The following MAP4K4 variants were observed in gnomAD, a reference collection of about 807,000 sequenced individuals.
MAP4K4 encodes the protein HPK/GCK-like kinase HGK.
MAP4K4 carries 38 observed loss-of-function variants against 189.6 expected under a neutral mutation model. The ratio of observed to expected loss-of-function variants is 0.20; its 90% CI spans 0.15 to 0.26. The LOEUF (loss-of-function observed/expected upper bound fraction) is 0.26, where lower values mean the gene tolerates loss of function less well. Ranked by LOEUF, MAP4K4 falls within the 10% of genes least tolerant of loss-of-function variation. The probability of loss-of-function intolerance (pLI) is 1.00; values close to 1 mark genes in which losing one functional copy is unlikely to be tolerated. For missense variants in MAP4K4, 1,054 were observed against 1,726.9 expected (o/e 0.61, Z 6.91); for synonymous variants, 610 against 624.3 (o/e 0.98, Z 0.34).
rs185772927 is a variant in MAP4K4 at position 101,738,683 on chromosome 2, G to A, written c.123+40145G>A. ...GGATTGCTGTAAGGACCTTGACTCAGGTGTTGCTTCCTTGAAGATCTGATG... is the reference window on the plus strand; with the variant it reads ...GGATTGCTGTAAGGACCTTGACTCAAGTGTTGCTTCCTTGAAGATCTGATG... On this transcript the variant is annotated intron_variant, in intron 2 of 32. Transcript: ENST00000324219. Among the ~76,000 whole-genome samples, 532 of 152,110 alleles carry A rather than the reference G, an allele frequency of 3.5e-3. 2 individuals are homozygous for A. The highest frequency in any genetic ancestry group is 0.012 in the African/African-American group (517 of 41,498).
chr2:101,863,918 A>G, exon 17 of MAP4K4: 1 of 1,367,530 alleles, frequency 7.3e-7, no homozygotes, highest in Non-Finnish European at 9.8e-7. Context: ...GCACACCACC[A>G]TCTTCGTTCT....
chr2:101,817,834 G>T (rs538774101), intron 3 of MAP4K4, among the ~76,000 whole-genome samples: 30 of 152,244 alleles, frequency 2.0e-4, no homozygotes, highest in Admixed American at 7.2e-4. Flanking sequence ...TTATTGAGCA[G>T]GCTGTTGTTA....
chr2:101,874,028 G>A (rs1003656460), intron 25 of MAP4K4, 54 bp from the exon 26 acceptor site: 93 of 1,436,036 alleles, frequency 6.5e-5, no homozygotes, highest in Non-Finnish European at 8.8e-5. Flanking sequence ...GGGAAGGGAG[G>A]CAGGCATAGT....
chr2:101,847,692 G>A (rs376536825), intron 12 of MAP4K4, among the ~76,000 whole-genome samples: 11 of 152,086 alleles, frequency 7.2e-5, no homozygotes, highest in East Asian at 3.8e-4. Flanking sequence ...AAATTTAAAA[G>A]TTAAAGTAAG....
intron 27 of MAP4K4, 111 bp downstream of exon 27, chr2:101,877,257 A>G (rs1327075559): frequency 9.4e-7 from 1 of 1,068,342 alleles, no homozygotes; most frequent in African/African-American, 1.6e-5. Flanking sequence ...TAAATAAGGT[A>G]CAACCACATT....
At chr2:101,872,081 A>C (rs2098046053) in intron 24 of MAP4K4, among the ~76,000 whole-genome samples, 2 of 152,164 alleles carry the variant, frequency 1.3e-5, no homozygotes, top group Non-Finnish European at 2.9e-5. Context: ...AAATATAGGA[A>C]GATTCGGTTC....
At position 101,855,926 on chromosome 2, in the gene MAP4K4, G is replaced by T. The variant is rs2149779129; in HGVS notation, c.1234-51G>T. 2.0e-6 allele frequency: 3 copies of T among 1,521,426 alleles called. No individual in the cohort carries two copies. The South Asian group carries it at 3.7e-5, about 19-fold the overall frequency. 94.2% of individuals were successfully genotyped at this position (1,521,426 alleles called of 1,614,324 possible). A position where few individuals can be genotyped will look rare whatever the true frequency, so the allele number is the denominator to read the frequency against. Reference sequence around the variant, plus strand: ...ACTGATCAGCACACTATAACATCATGAGAAAGATGGCGGGAAGATCCCTGG... The same window carrying T: ...ACTGATCAGCACACTATAACATCATTAGAAAGATGGCGGGAAGATCCCTGG... On this transcript the variant is annotated intron_variant, in intron 12 of 32. Coordinates refer to ENST00000324219, the Ensembl canonical transcript of MAP4K4.
intron 2 of MAP4K4, among the ~76,000 whole-genome samples, chr2:101,721,714 C>G (rs1237657814): frequency 2.6e-5 from 4 of 152,168 alleles, no homozygotes; most frequent in Admixed American, 6.5e-5. Context: ...GGATTACAGG[C>G]ATGAGTCACT....
At chr2:101,738,131 C>T (rs1371677374) in intron 2 of MAP4K4, among the ~76,000 whole-genome samples, 2 of 152,086 alleles carry the variant, frequency 1.3e-5, no homozygotes, top group African/African-American at 4.8e-5. Context: ...AAAAGTCACC[C>T]GCTACATCCC....
chr2:101,752,724 C>T (rs1303904229), intron 2 of MAP4K4, among the ~76,000 whole-genome samples: 1 of 152,198 alleles, frequency 6.6e-6, no homozygotes, highest in Non-Finnish European at 1.5e-5. Flanking sequence ...ATTTACCTGT[C>T]TGTGGTCATA....
intron 2 of MAP4K4, among the ~76,000 whole-genome samples, chr2:101,718,566 GGGGTGGGGGGGTGGGGGGGAGTGGAA>G (rs1194059765): frequency 1.6e-5 from 2 of 127,318 alleles, no homozygotes; most frequent in African/African-American, 2.9e-5. Flanking sequence ...TGGGAAGGTG[GGGGTGGGGGGGTGGGGGGGAGTGGAA>G]GGGTGGGGGA....
chr2:101,849,625 C>CTT (rs370459029), intron 12 of MAP4K4, among the ~76,000 whole-genome samples: 79,243 of 143,392 alleles, frequency 0.55, 22,342 homozygotes, highest in African/African-American at 0.67. Context: ...GTTTTGTGCT[C>CTT]TTTTTTTTTT....
At chr2:101,719,813 A>G (rs957655111) in intron 2 of MAP4K4, among the ~76,000 whole-genome samples, 1 of 152,022 alleles carries the variant, frequency 6.6e-6, no homozygotes, top group African/African-American at 2.4e-5. Flanking sequence ...GGAGTTCAAG[A>G]CCAGTCTGGC....
intron 21 of MAP4K4, 47 bp from the exon 22 acceptor site, chr2:101,869,575 C>T: frequency 6.8e-7 from 1 of 1,462,432 alleles, no homozygotes; most frequent in Non-Finnish European, 9.5e-7. Context: ...CTTCTCCTGT[C>T]CCTGCTCCTG....
intron 12 of MAP4K4, among the ~76,000 whole-genome samples, chr2:101,853,287 C>T (rs1260333235): frequency 1.3e-5 from 2 of 152,062 alleles, no homozygotes; most frequent in Admixed American, 6.6e-5. Flanking sequence ...AAAAAGAACT[C>T]GAAGGATATA....
intron 32 of MAP4K4, 53 bp from the exon 33 acceptor site, chr2:101,891,113 G>A (rs2098559677): frequency 3.6e-6 from 5 of 1,394,648 alleles, no homozygotes; most frequent in East Asian, 2.3e-5. Context: ...TTCCCTGGCT[G>A]GAAGTGCTTC....
intron 28 of MAP4K4, 32 bp downstream of exon 28, chr2:101,882,717 C>T: frequency 6.8e-7 from 1 of 1,479,988 alleles, no homozygotes; most frequent in Non-Finnish European, 9.0e-7. Flanking sequence ...TTTTGTTTTT[C>T]CAGAGTTTGA....
At chr2:101,892,554 C>G (rs149588850) in exon 33 of MAP4K4, 1 of 267,230 alleles carries the variant, frequency 3.7e-6, no homozygotes, top group East Asian at 1.0e-4. Context: ...ACAAACTGTT[C>G]AGTGTTGCAG....
chr2:101,705,187 G>A (rs190382050), intron 2 of MAP4K4, among the ~76,000 whole-genome samples: 192 of 152,304 alleles, frequency 1.3e-3, no homozygotes, highest in African/African-American at 4.5e-3. Context: ...AGTGAAAAAC[G>A]ATTAACCATA....
Sources: allele counts gnomAD v4.1 joint callset (sites outside exome capture counted in the v4.1 genomes callset), GRCh38; gene constraint gnomAD v4.1.1; transcripts MANE v1.5; gene names NCBI Gene and HGNC (gene_info 2026-07-23, HGNC 2026-07-21).